PPFIA2: variants seen among roughly 807,000 people sequenced by gnomAD.
The protein encoded by PPFIA2 is liprin-alpha-2.
A neutral mutation model predicts 175.5 loss-of-function variants in PPFIA2; 46 were observed. The observed-to-expected ratio is 0.26, with a 90% CI of 0.21 to 0.34. PPFIA2 has a LOEUF of 0.34. PPFIA2 is among the 10% of genes least tolerant of loss of function. The pLI, the probability that PPFIA2 is intolerant of heterozygous loss-of-function variation, is 1.00. For synonymous variants in PPFIA2, 568 were observed against 511.4 expected, an observed-to-expected ratio of 1.11 and a Z score of -1.49; for missense variants, 1,179 against 1,506.1, an observed-to-expected ratio of 0.78 and a Z score of 3.60.
At chr12:81,617,815 T>C (rs940213188) in intron 4 of PPFIA2, among the ~76,000 whole-genome samples, 1 of 152,192 alleles carries the variant, frequency 6.6e-6, no homozygotes, top group African/African-American at 2.4e-5. Context: ...TAGGATACAT[T>C]AGTGAACAAA....
At chr12:81,612,126 T>C (rs1350855223) in intron 4 of PPFIA2, among the ~76,000 whole-genome samples, 2 of 152,128 alleles carry the variant, frequency 1.3e-5, no homozygotes, top group Non-Finnish European at 2.9e-5. Flanking sequence ...TCTCTCTTGG[T>C]GGGAGCAGTG....
At chr12:81,667,341 G>C (rs745458823) in intron 4 of PPFIA2, among the ~76,000 whole-genome samples, 2 of 152,060 alleles carry the variant, frequency 1.3e-5, no homozygotes, top group Non-Finnish European at 2.9e-5. Context: ...GCACCAATAG[G>C]ATGCTTTTCC....
At chr12:81,519,903 A>G (rs1272668812) in intron 4 of PPFIA2, among the ~76,000 whole-genome samples, 1 of 152,224 alleles carries the variant, frequency 6.6e-6, no homozygotes, top group Non-Finnish European at 1.5e-5. Flanking sequence ...TGTACATGTA[A>G]TAAAGTTTAA....
chr12:81,282,943 T>C lies in PPFIA2; in HGVS notation c.3018+67A>G, dbSNP rs2042406559. ...TTACAATATTATGACTTATGACAGTTTCTTGATTTATATTCTCATTGCCTA... is the reference window on the plus strand; with the variant it reads ...TTACAATATTATGACTTATGACAGTCTCTTGATTTATATTCTCATTGCCTA... On this transcript the variant is annotated intron_variant, in intron 26 of 32. Transcript: ENST00000549396. 8 of 1,399,034 alleles carry C rather than the reference T, an allele frequency of 5.7e-6. No individual in the cohort carries two copies. The Admixed American group carries it at 1.4e-4, about 24-fold the overall frequency. 86.7% of individuals were successfully genotyped at this position (1,399,034 alleles called of 1,614,324 possible). A position where few individuals can be genotyped will look rare whatever the true frequency, so the allele number is the denominator to read the frequency against.
intron 4 of PPFIA2, among the ~76,000 whole-genome samples, chr12:81,536,745 C>CATATAT (rs3075445): frequency 0.031 from 4,203 of 136,584 alleles, 93 homozygotes; most frequent in African/African-American, 0.049. Context: ...TATACATAAA[C>CATATAT]ATATATATAT....
chr12:81,294,958 T>C lies in PPFIA2; in HGVS notation c.2802A>G (p.Leu934=). The C allele has an allele frequency of 6.2e-7, 1 of 1,613,712 alleles. No individual in the cohort carries two copies. The highest frequency in any genetic ancestry group is 8.5e-7 in the Non-Finnish European group (1 of 1,179,788). Residue 934 remains leucine (L), a synonymous_variant, in exon 24 of 33, where the codon TTA becomes TTG. Coordinates refer to ENST00000549396, the MANE Select transcript of PPFIA2 (RefSeq NM_003625.5). The part of the protein sequence containing the change: ...NVKSGAIMSA[L]SDTEIQREIG... ...TTTCTCTCTGGATCTCAGTGTCAGA[T>C]AAAGCAGACATGATGGCACCACTCT...
At chr12:81,660,587 T>G (rs2068641040) in intron 4 of PPFIA2, among the ~76,000 whole-genome samples, 1 of 152,150 alleles carries the variant, frequency 6.6e-6, no homozygotes, top group South Asian at 2.1e-4. Context: ...TACCTGAAAG[T>G]GATGGGGAGA....
At chr12:81,299,823 T>G (rs973380484) in intron 22 of PPFIA2, among the ~76,000 whole-genome samples, 1 of 152,118 alleles carries the variant, frequency 6.6e-6, no homozygotes. Context: ...GAAGATAAAT[T>G]TGGTCCTTTT....
intron 22 of PPFIA2, among the ~76,000 whole-genome samples, chr12:81,319,530 T>C (rs974119932): frequency 7.2e-5 from 11 of 151,830 alleles, no homozygotes; most frequent in Non-Finnish European, 1.5e-4. Flanking sequence ...GGTTTTAGGT[T>C]CTAAAATGTT....
At chr12:81,365,632 T>A (rs1404208147) in intron 14 of PPFIA2, among the ~76,000 whole-genome samples, 1 of 151,710 alleles carries the variant, frequency 6.6e-6, no homozygotes, top group Non-Finnish European at 1.5e-5. Context: ...AAATCAATCA[T>A]CTTGATTTTC....
rs11114917 is a variant in PPFIA2, at chr12:81,573,390, T to C, written c.303+103401A>G. Among the ~76,000 whole-genome samples the C allele has an allele frequency of 3.3e-5, 5 of 152,044 alleles. No homozygotes were observed. In the East Asian group the frequency reaches 9.7e-4, roughly 30 times the overall value. ...CTAACAACAACACAAAAGTGGTTTATACTTAGAGCTTAGATCGCCATTCTG... is the reference window on the plus strand; with the variant it reads ...CTAACAACAACACAAAAGTGGTTTACACTTAGAGCTTAGATCGCCATTCTG... On this transcript the variant is annotated intron_variant, in intron 4 of 32. Coordinates refer to ENST00000549396, the MANE Select transcript of PPFIA2 (RefSeq NM_003625.5).
chr12:81,467,121 A>T (rs2055808723), intron 4 of PPFIA2, among the ~76,000 whole-genome samples: 1 of 151,958 alleles, frequency 6.6e-6, no homozygotes, highest in Non-Finnish European at 1.5e-5. Flanking sequence ...ATAATAAAAA[A>T]GAGAGAGTTC....
intron 21 of PPFIA2, 43 bp downstream of exon 21, chr12:81,339,137 T>C (rs368224932): frequency 4.4e-5 from 65 of 1,465,634 alleles, no homozygotes; most frequent in Non-Finnish European, 5.5e-5. Context: ...GTGACATGAC[T>C]AAAATGAGTG....
chr12:81,701,894 C>A, intron 3 of PPFIA2, among the ~76,000 whole-genome samples: 2 of 113,634 alleles, frequency 1.8e-5, no homozygotes, highest in Admixed American at 1.0e-4. Flanking sequence ...TAAGAGTAAA[C>A]TATACACTTT....
At chr12:81,477,551 G>A (rs1379234349) in intron 4 of PPFIA2, among the ~76,000 whole-genome samples, 6 of 152,060 alleles carry the variant, frequency 3.9e-5, no homozygotes, top group African/African-American at 1.4e-4. Context: ...GTCATAAATC[G>A]CTTGTATTAT....
rs553820391 is a variant in PPFIA2, at chr12:81,569,279, C to A, written c.303+107512G>T. Among the ~76,000 whole-genome samples the A allele has an allele frequency of 5.3e-5, 8 of 151,190 alleles. No individual in the cohort carries two copies. In the East Asian group the frequency reaches 1.6e-3, roughly 30 times the overall value. ...TTAGATTTCTTACAATTTGAAGAAA[C>A]TTTATACCATATTGGTTCTGCTGTA... On this transcript the variant is annotated intron_variant, in intron 4 of 32. Transcript: ENST00000549396.
intron 4 of PPFIA2, among the ~76,000 whole-genome samples, chr12:81,617,041 T>G (rs1459504447): frequency 6.6e-6 from 1 of 152,206 alleles, no homozygotes; most frequent in Non-Finnish European, 1.5e-5. Context: ...AACAAAACTT[T>G]GAGTTAGCTT....
intron 6 of PPFIA2, among the ~76,000 whole-genome samples, chr12:81,442,491 T>G (rs1490431883): frequency 6.6e-6 from 1 of 151,982 alleles, no homozygotes; most frequent in East Asian, 1.9e-4. Context: ...TTTGTTTTGG[T>G]TTACATTTCC....
intron 8 of PPFIA2, among the ~76,000 whole-genome samples, chr12:81,385,876 G>T (rs2038824640): frequency 6.6e-6 from 1 of 152,100 alleles, no homozygotes; most frequent in South Asian, 2.1e-4. Context: ...AATGATAAGT[G>T]AGTGAGTGAT....
Sources: allele counts gnomAD v4.1 joint callset (sites outside exome capture counted in the v4.1 genomes callset), GRCh38; gene constraint gnomAD v4.1.1; transcripts MANE v1.5; gene names NCBI Gene and HGNC (gene_info 2026-07-23, HGNC 2026-07-21).